CROCC: variants seen among roughly 807,000 people sequenced by gnomAD.
The protein encoded by CROCC is ciliary rootlet coiled-coil, rootletin.
CROCC carries 180 observed loss-of-function variants against 245.2 expected under a neutral mutation model. The observed-to-expected ratio is 0.73, with a 90% CI of 0.65 to 0.83. The LOEUF is 0.83. Among genes scored for constraint, CROCC ranks in the 40% least tolerant of loss-of-function variants. CROCC has a pLI of 0.00. For missense variants in CROCC, 2,688 were observed against 2,779.4 expected (o/e 0.97, Z 0.74); for synonymous variants, 1,205 against 1,241.6 (o/e 0.97, Z 0.62).
In CROCC at chr1:16,924,481, T is replaced by C. The variant is rs759733696; in HGVS notation, c.351+2T>C. 1.9e-6 allele frequency: 3 copies of C among 1,610,838 alleles called. No individual in the cohort carries two copies. Among genetic ancestry groups the C allele is most frequent in the Non-Finnish European group, 1.7e-6 (2 of 1,177,874 alleles). ...AAGTACAATGCGGTCAGCGAGAGGGTGGGTGCCGCCCAGGTGGTGGACTAG... is the reference window on the plus strand; with the variant it reads ...AAGTACAATGCGGTCAGCGAGAGGGCGGGTGCCGCCCAGGTGGTGGACTAG... On this transcript the variant is annotated splice_donor_variant, in intron 3 of 36. Coordinates refer to ENST00000375541, the MANE Select transcript of CROCC (RefSeq NM_014675.5). LOFTEE classifies it high-confidence loss of function.
At chr1:16,937,344 C>T (rs1300335135) in intron 9 of CROCC, among the ~76,000 whole-genome samples, 1 of 150,204 alleles carries the variant, frequency 6.7e-6, no homozygotes, top group Admixed American at 6.6e-5. Flanking sequence ...CAGAGCGAAA[C>T]TCCGTCTCAA....
chr1:16,956,263 T>G (rs990723971), intron 25 of CROCC, 107 bp downstream of exon 25: 3 of 1,217,994 alleles, frequency 2.5e-6, no homozygotes, highest in Admixed American at 5.7e-5. Flanking sequence ...ACCAGGGGCT[T>G]GAACTATGAC....
At chr1:16,967,265 C>T (rs910334099) in intron 30 of CROCC, among the ~76,000 whole-genome samples, 1 of 152,060 alleles carries the variant, frequency 6.6e-6, no homozygotes, top group East Asian at 1.9e-4. Flanking sequence ...GTTTGGGGGA[C>T]AGCTATGTGT....
intron 8 of CROCC, among the ~76,000 whole-genome samples, chr1:16,933,602 T>C (rs1297393006): frequency 6.6e-6 from 1 of 152,280 alleles, no homozygotes; most frequent in Non-Finnish European, 1.5e-5. Flanking sequence ...AGTCTTGCTT[T>C]GTTGCCCAGG....
rs747971911 is a variant in CROCC, at chr1:16,954,316, C to T, written c.3280C>T (p.Arg1094Trp). Residue 1094 changes from arginine to tryptophan, a missense_variant, in exon 22 of 37, where the codon CGG (arginine) becomes TGG (tryptophan). Around this residue, in one of 9 missense-constraint regions of CROCC, gnomAD observed 32 missense variants for 54.1 expected, o/e 0.59. Transcript: ENST00000375541. The surrounding 1 kb of genome is among the most constrained non-coding windows in gnomAD (Gnocchi z 4.4). Reference sequence around the variant, plus strand: ...GGCCACCATCTCCCTGGAGATGGAGCGGCAGAAACGAGATGCCCAGAGCCG... The same window carrying T: ...GGCCACCATCTCCCTGGAGATGGAGTGGCAGAAACGAGATGCCCAGAGCCG... ...SLATISLEME[R>W]QKRDAQSRQE... 37 of 1,611,866 alleles carry T rather than the reference C, an allele frequency of 2.3e-5. No individual in the cohort carries two copies. Among genetic ancestry groups the T allele is most frequent in the East Asian group, 4.5e-5 (2 of 44,892 alleles).
rs941576964 is a variant in CROCC, at chr1:16,972,745, C to G, written c.*299C>G. 1 of 224,378 alleles carries G rather than the reference C, an allele frequency of 4.5e-6. No individual in the cohort carries two copies. Among genetic ancestry groups the G allele is most frequent in the Non-Finnish European group, 8.6e-6 (1 of 115,736 alleles). 13.9% of individuals were successfully genotyped at this position (224,378 alleles called of 1,614,324 possible). A position where few individuals can be genotyped will look rare whatever the true frequency, so the allele number is the denominator to read the frequency against. ...GGGAGAGCCCTTGTCTCTGGTCAGC[C>G]CTGGAGCATGGGATCGTGGGAAAGA... On this transcript the variant is annotated 3_prime_UTR_variant, in exon 37 of 37. Coordinates refer to ENST00000375541, the MANE Select transcript of CROCC (RefSeq NM_014675.5).
intron 14 of CROCC, 35 bp downstream of exon 14, chr1:16,944,317 C>T: frequency 1.3e-6 from 2 of 1,493,088 alleles, no homozygotes; most frequent in Non-Finnish European, 1.8e-6. Flanking sequence ...CAGGACCCTT[C>T]AGATGTGCCT....
intron 10 of CROCC, among the ~76,000 whole-genome samples, chr1:16,938,043 T>C (rs1287759351): frequency 6.6e-6 from 1 of 152,224 alleles, no homozygotes; most frequent in Non-Finnish European, 1.5e-5. Flanking sequence ...CCATCCACGC[T>C]CTCCAGGTCC....
In CROCC at chr1:16,960,916, G is replaced by C; in HGVS notation, c.4191G>C (p.Glu1397Asp). 1 of 1,502,722 alleles carries C rather than the reference G, an allele frequency of 6.7e-7. No homozygotes were observed. The highest frequency in any genetic ancestry group is 8.8e-7 in the Non-Finnish European group (1 of 1,133,258). The allele number at this position is 1,502,722 out of a possible 1,614,324, so 93.1% of individuals were successfully genotyped here. ...TGAAGCTGGAGGCGGCGCGGGCCGA[G>C]GCTGCAGAGCTGGGCCTGCGGCTGA... is the stretch of plus-strand genomic sequence containing the variant. ...LELKLEAARA[E>D]AAELGLRLSA... The change falls in exon 27 of 37, where the codon GAG becomes GAC. Residue 1397 changes from glutamate (E) to aspartate (D), a missense_variant. Glu to Asp is a conservative substitution (Grantham distance 45). Around this residue, in one of 9 missense-constraint regions of CROCC, gnomAD observed 1,218 missense variants for 1,286.3 expected, o/e 0.95. Transcript: ENST00000375541.
intron 3 of CROCC, 37 bp from the exon 4 acceptor site, chr1:16,929,809 G>A (rs2100356764): frequency 6.7e-7 from 1 of 1,488,470 alleles, no homozygotes. Context: ...GCCTTCCCAG[G>A]AGGCCCAGGA....
Position 16,965,815 on chromosome 1 carries a change from C to G in CROCC, c.4498C>G (p.Pro1500Ala), listed in dbSNP as rs1341265829. 1 of 1,613,830 alleles carries G rather than the reference C, an allele frequency of 6.2e-7. No homozygotes were observed. The highest frequency in any genetic ancestry group is 8.5e-7 in the Non-Finnish European group (1 of 1,180,044). Reference sequence around the variant, plus strand: ...AGGACCTGCCACCTCCCCAGCCTCTCCAGACCTGGACCCGGAGGCAGTGCG... The same window carrying G: ...AGGACCTGCCACCTCCCCAGCCTCTGCAGACCTGGACCCGGAGGCAGTGCG... ...SPGPATSPAS[P>A]DLDPEAVRGA... Residue 1500 changes from proline to alanine, a missense_variant, in exon 28 of 37, where the codon CCA becomes GCA. By Grantham distance (27) the Pro-to-Ala change is conservative. This residue lies in a region of CROCC where 1,218 missense variants were observed against 1,286.3 expected (regional missense o/e 0.95). Coordinates refer to ENST00000375541, the MANE Select transcript of CROCC (RefSeq NM_014675.5).
intron 20 of CROCC, chr1:16,953,085 C>T: frequency 3.6e-6 from 2 of 558,712 alleles, no homozygotes; most frequent in Non-Finnish European, 3.2e-6. Flanking sequence ...CGCAGGGGAC[C>T]ATGTTCGGAC....
chr1:16,930,067 C>A, intron 4 of CROCC, 36 bp downstream of exon 4: 2 of 1,568,732 alleles, frequency 1.3e-6, no homozygotes, highest in Non-Finnish European at 1.7e-6. Flanking sequence ...GTCCTCCCAC[C>A]TGTTCACTTT....
Position 16,961,124 on chromosome 1 carries a change from G to A in CROCC, c.4399G>A (p.Ala1467Thr), listed in dbSNP as rs1349744186. Residue 1467 changes from alanine to threonine, a missense_variant, in exon 27 of 37, where the codon GCA becomes ACA. Transcript: ENST00000375541. Reference sequence around the variant, plus strand: ...CGGTTCCCCTGCCCGGGACGCACCCGCAGAAGGTAAGGGCAGTGCCGCGCG... The same window carrying A: ...CGGTTCCCCTGCCCGGGACGCACCCACAGAAGGTAAGGGCAGTGCCGCGCG... The part of the protein sequence containing the change: ...VPGSPARDAP[A>T]EGSGEGLNSP... The A allele has an allele frequency of 3.7e-6, 5 of 1,346,912 alleles. No homozygotes were observed. The highest frequency in any genetic ancestry group is 2.8e-4 in the Middle Eastern group (1 of 3,578). The allele number at this position is 1,346,912 out of a possible 1,614,324, so 83.4% of individuals were successfully genotyped here.
At chr1:16,960,587 T>C (rs1314064676) in intron 26 of CROCC, among the ~76,000 whole-genome samples, 171 bp from the exon 27 acceptor site, 1 of 152,224 alleles carries the variant, frequency 6.6e-6, no homozygotes, top group Non-Finnish European at 1.5e-5. Flanking sequence ...AGTTCTAGTA[T>C]TTCCTCCCAC....
Position 16,946,419 on chromosome 1 carries a change from C to T in CROCC, c.2283+14C>T, listed in dbSNP as rs768260158. 44 of 1,606,428 alleles carry T rather than the reference C, an allele frequency of 2.7e-5. No homozygotes were observed. The highest frequency in any genetic ancestry group is 3.6e-5 in the Non-Finnish European group (42 of 1,176,534). ...CTTGTCGCCCAGGTACGCTGTGCAC[C>T]TGCGGGCCCACCTGCCTTGCCCACC... On this transcript the variant is annotated intron_variant, in intron 16 of 36. Coordinates refer to ENST00000375541, the MANE Select transcript of CROCC (RefSeq NM_014675.5).
At chr1:16,945,897 C>A (rs1334526307) in intron 15 of CROCC, among the ~76,000 whole-genome samples, 3 of 152,280 alleles carry the variant, frequency 2.0e-5, no homozygotes, top group Admixed American at 6.5e-5. Context: ...AGACTCAGCT[C>A]CTGGGGTCTG....
intron 1 of CROCC, among the ~76,000 whole-genome samples, chr1:16,914,751 G>A (rs1437349559): frequency 7.9e-5 from 12 of 152,122 alleles, no homozygotes; most frequent in Non-Finnish European, 1.5e-4. Context: ...TTTTGAACGA[G>A]CTCCCTCCTG....
chr1:16,917,090 A>G (rs2075313995), upstream of CROCC, among the ~76,000 whole-genome samples: 1 of 152,278 alleles, frequency 6.6e-6, no homozygotes, highest in South Asian at 2.1e-4. Flanking sequence ...TGCACTCCAG[A>G]CTGGGTGACA....
Sources: gnomAD v4.1 joint callset for allele counts (sites outside exome capture counted in the v4.1 genomes callset) on GRCh38, gnomAD v4.1.1 for gene constraint, gnomAD v4.1.1 regional missense constraint, Gnocchi (gnomAD v3.1) non-coding constraint, MANE v1.5 for transcripts, NCBI Gene and HGNC (gene_info 2026-07-23, HGNC 2026-07-21) for gene names.